UNC13C: variants seen among roughly 807,000 people sequenced by gnomAD.
UNC13C encodes the protein protein unc-13 homolog C.
UNC13C carries 174 observed loss-of-function variants against 245.4 expected under a neutral mutation model. That is an observed-to-expected ratio of 0.71 (90% CI 0.63 to 0.80). The LOEUF (loss-of-function observed/expected upper bound fraction) is 0.80, where lower values mean the gene tolerates loss of function less well. UNC13C is among the 30% of genes least tolerant of loss of function. The pLI, the probability that UNC13C is intolerant of heterozygous loss-of-function variation, is 0.00. For synonymous variants in UNC13C, 992 were observed against 895.1 expected, an observed-to-expected ratio of 1.11 and a Z score of -1.93; for missense variants, 2,829 against 2,602.9, an observed-to-expected ratio of 1.09 and a Z score of -1.89.
the UNC13C span, among the ~76,000 whole-genome samples, chr15:53,955,118 C>G: frequency 3.3e-5 from 5 of 152,180 alleles, no homozygotes; most frequent in African/African-American, 1.2e-4. Context: ...AAAGCAATTT[C>G]AGGTGAACAT....
At chr15:54,366,018 G>A (rs2039357220) in intron 17 of UNC13C, among the ~76,000 whole-genome samples, 1 of 152,136 alleles carries the variant, frequency 6.6e-6, no homozygotes, top group Admixed American at 6.5e-5. Context: ...AGGAGAGTTT[G>A]TGATTATTTA....
Position 54,333,801 on chromosome 15 carries a change from A to G in UNC13C, c.4529A>G (p.Gln1510Arg). ...NFPASNTERL[Q>R]DLKSTVDLLT... Reference sequence around the variant, plus strand: ...CCTGCAAGCAATACTGAAAGACTGCAAGACCTGAAATCAACTGTTGACCTG... The same window carrying G: ...CCTGCAAGCAATACTGAAAGACTGCGAGACCTGAAATCAACTGTTGACCTG... The change falls in exon 16 of 33, where the codon CAA becomes CGA. Residue 1510 changes from glutamine to arginine, a missense_variant. Coordinates refer to ENST00000260323, the MANE Select transcript of UNC13C (RefSeq NM_001080534.3). 6.2e-7 allele frequency: 1 copy of G among 1,607,048 alleles called. No homozygotes were observed. Among genetic ancestry groups the G allele is most frequent in the Non-Finnish European group, 8.5e-7 (1 of 1,176,314 alleles).
chr15:54,310,857 C>T (rs937419503), intron 13 of UNC13C, among the ~76,000 whole-genome samples: 2 of 151,752 alleles, frequency 1.3e-5, no homozygotes, highest in African/African-American at 4.8e-5. Context: ...AATGTAGCCA[C>T]TAATACTGAT....
At chr15:54,555,343 C>A in intron 28 of UNC13C, 89 bp from the exon 29 acceptor site, 1 of 961,322 alleles carries the variant, frequency 1.0e-6, no homozygotes, top group Non-Finnish European at 1.6e-6. Flanking sequence ...GGAAGTTTGG[C>A]ATATGGGGAT....
the UNC13C span, among the ~76,000 whole-genome samples, chr15:53,905,316 G>A: frequency 1.2e-3 from 179 of 151,628 alleles, no homozygotes; most frequent in African/African-American, 4.2e-3. Flanking sequence ...TGTCTTAAGT[G>A]TCCTTTGGCA....
intron 30 of UNC13C, among the ~76,000 whole-genome samples, chr15:54,616,593 T>C (rs1054614633): frequency 1.3e-5 from 2 of 151,908 alleles, no homozygotes; most frequent in Non-Finnish European, 2.9e-5. Context: ...AAAAAGTCTT[T>C]AAAATAGAAA....
the UNC13C span, among the ~76,000 whole-genome samples, chr15:53,932,169 C>G: frequency 6.6e-6 from 1 of 151,856 alleles, no homozygotes; most frequent in Non-Finnish European, 1.5e-5. Flanking sequence ...ATTAGCTGGG[C>G]GTGGTGGCAC....
Position 54,317,869 on chromosome 15 carries a change from G to C in UNC13C, c.4269-4070G>C, listed in dbSNP as rs138981873. Among the ~76,000 whole-genome samples the C allele has an allele frequency of 4.2e-3, 639 of 151,648 alleles. 4 individuals carry two copies. The highest frequency in any genetic ancestry group is 0.015 in the African/African-American group (608 of 41,398). On this transcript the variant is annotated intron_variant, in intron 13 of 32. Transcript: ENST00000260323. ...CATTTAATAAAATGTTATATCCTTT[G>C]ACCAGGATCTTCCCAACCCTGCACC...
At chr15:53,979,964 C>A (rs73412843) in intron 1 of UNC13C, among the ~76,000 whole-genome samples, 33 of 151,956 alleles carry the variant, frequency 2.2e-4, no homozygotes, top group African/African-American at 8.0e-4. Flanking sequence ...AGGGGAGAAA[C>A]GAGAATGAGA....
intron 2 of UNC13C, among the ~76,000 whole-genome samples, chr15:54,093,850 T>C (rs930027715): frequency 3.3e-5 from 5 of 152,232 alleles, no homozygotes; most frequent in African/African-American, 7.2e-5. Context: ...AATGGTCTTT[T>C]CTCAGTTCAA....
At chr15:53,967,704 A>T in the UNC13C span, among the ~76,000 whole-genome samples, 1 of 152,170 alleles carries the variant, frequency 6.6e-6, no homozygotes, top group African/African-American at 2.4e-5. Context: ...TGGTGGCAGA[A>T]GGGAAGGGGA....
chr15:54,095,520 C>T (rs904833472), intron 2 of UNC13C, among the ~76,000 whole-genome samples: 1 of 152,160 alleles, frequency 6.6e-6, no homozygotes, highest in Non-Finnish European at 1.5e-5. Flanking sequence ...ATAGTTGGCA[C>T]CTATTCAGTA....
intron 4 of UNC13C, among the ~76,000 whole-genome samples, chr15:54,190,777 C>A (rs545615727): frequency 6.6e-6 from 1 of 151,954 alleles, no homozygotes; most frequent in African/African-American, 2.4e-5. Flanking sequence ...TGCTTTTAAA[C>A]GTAACATTTT....
chr15:54,145,047 C>T (rs1306748899), intron 4 of UNC13C, among the ~76,000 whole-genome samples: 2 of 151,972 alleles, frequency 1.3e-5, no homozygotes, highest in South Asian at 4.2e-4. Context: ...ACACCTTGGC[C>T]TCCCAAAGTG....
At chr15:54,437,400 CT>C (rs1170903010) in intron 19 of UNC13C, among the ~76,000 whole-genome samples, 1 of 151,912 alleles carries the variant, frequency 6.6e-6, no homozygotes, top group African/African-American at 2.4e-5. Flanking sequence ...ATTTATAAAA[CT>C]TGTAACTCTC....
the UNC13C span, among the ~76,000 whole-genome samples, chr15:53,873,137 G>GT: frequency 1.3e-3 from 116 of 87,174 alleles, no homozygotes; most frequent in African/African-American, 4.1e-3. Flanking sequence ...ACAGGGACAC[G>GT]TTTTTTTTTT....
At chr15:54,594,746 T>C (rs1898979379) in intron 30 of UNC13C, among the ~76,000 whole-genome samples, 1 of 152,216 alleles carries the variant, frequency 6.6e-6, no homozygotes, top group South Asian at 2.1e-4. Context: ...TGCCTGAGGC[T>C]TTCCATCTTC....
chr15:53,958,008 G>C, the UNC13C span, among the ~76,000 whole-genome samples: 4 of 152,124 alleles, frequency 2.6e-5, no homozygotes, highest in African/African-American at 9.7e-5. Context: ...GGAGAAGGTG[G>C]AGATTGAGAT....
At chr15:54,501,023 A>G (rs1267399019) in intron 22 of UNC13C, 45 bp downstream of exon 22, 1 of 1,591,080 alleles carries the variant, frequency 6.3e-7, no homozygotes, top group Non-Finnish European at 8.6e-7. Context: ...GGTCTGTGGC[A>G]ATCTGAAAAA....
Sources: gnomAD v4.1 joint callset for allele counts (sites outside exome capture counted in the v4.1 genomes callset) on GRCh38, gnomAD v4.1.1 for gene constraint, MANE v1.5 for transcripts, NCBI Gene and HGNC (gene_info 2026-07-23, HGNC 2026-07-21) for gene names.